NTM: variants seen among roughly 807,000 people sequenced by gnomAD.
The protein encoded by NTM is IgLON family member 2.
NTM carries 13 observed loss-of-function variants against 42.1 expected under a neutral mutation model. The observed-to-expected ratio is 0.31, with a 90% CI of 0.20 to 0.49. NTM has a LOEUF of 0.49. Among genes scored for constraint, NTM ranks in the 20% least tolerant of loss-of-function variants. The probability of loss-of-function intolerance (pLI) is 0.99; values close to 1 mark genes in which losing one functional copy is unlikely to be tolerated. For missense variants in NTM, 373 were observed against 452.8 expected (o/e 0.82, Z 1.60); for synonymous variants, 187 against 179.2 (o/e 1.04, Z -0.35).
At chr11:131,666,592 G>T (rs1369953558) in intron 1 of NTM, among the ~76,000 whole-genome samples, 1 of 152,174 alleles carries the variant, frequency 6.6e-6, no homozygotes, top group East Asian at 1.9e-4. Flanking sequence ...ATGCATTTCT[G>T]ACATCCTGAG....
intron 1 of NTM, among the ~76,000 whole-genome samples, chr11:131,725,335 C>A (rs1312004722): frequency 6.6e-6 from 1 of 152,046 alleles, no homozygotes; most frequent in East Asian, 1.9e-4. Context: ...GTGAGACAGG[C>A]AATATACAAT....
At chr11:132,250,387 G>A (rs2091799513) in intron 4 of NTM, among the ~76,000 whole-genome samples, 1 of 152,066 alleles carries the variant, frequency 6.6e-6, no homozygotes. Context: ...CTTCAGATTT[G>A]TTAGTATTCT....
In NTM at chr11:131,577,859, C is replaced by T. The variant is rs145387832; in HGVS notation, c.82+206971C>T. ...CCTCATTTCCTACTTTGACAGTATT[C>T]TCCAGGGAAATGTAGTGAATTGGTA... On this transcript the variant is annotated intron_variant, in intron 1 of 8. Coordinates refer to ENST00000683400, the MANE Select transcript of NTM (RefSeq NM_001352005.2). Among the ~76,000 whole-genome samples, 33 of 152,268 alleles carry T rather than the reference C, an allele frequency of 2.2e-4. No individual in the cohort carries two copies. The East Asian group carries it at 5.8e-3, about 27-fold the overall frequency.
At chr11:131,454,347 T>A (rs1041209783) in intron 1 of NTM, among the ~76,000 whole-genome samples, 5 of 152,234 alleles carry the variant, frequency 3.3e-5, no homozygotes, top group African/African-American at 1.2e-4. Flanking sequence ...GTGGAAGCTG[T>A]GGAACACATC....
Position 132,144,843 on chromosome 11 carries a change from G to A in NTM, c.168-1439G>A, listed in dbSNP as rs568555038. On this transcript the variant is annotated intron_variant, in intron 2 of 8. Transcript: ENST00000683400. ...AAACTTGTTGGACACCTGTGCCAAG[G>A]TGTTTCTTTTTGGGCAGTATTTCCC... is the stretch of plus-strand genomic sequence containing the variant. Among the ~76,000 whole-genome samples, 5 of 152,296 alleles carry A rather than the reference G, an allele frequency of 3.3e-5. No individual in the cohort carries two copies. The East Asian group carries it at 9.7e-4, about 29-fold the overall frequency.
chr11:131,903,591 G>T (rs1009452783), intron 1 of NTM, among the ~76,000 whole-genome samples: 3 of 152,212 alleles, frequency 2.0e-5, no homozygotes, highest in African/African-American at 7.2e-5. Context: ...AGACGAATGG[G>T]AAGAATGGAA....
At chr11:131,766,619 C>T (rs2085152741) in intron 1 of NTM, among the ~76,000 whole-genome samples, 1 of 152,170 alleles carries the variant, frequency 6.6e-6, no homozygotes, top group African/African-American at 2.4e-5. Flanking sequence ...CAATTATCAA[C>T]CGCAGAACTC....
At chr11:132,198,939 G>A (rs1419105795) in intron 3 of NTM, among the ~76,000 whole-genome samples, 3 of 152,200 alleles carry the variant, frequency 2.0e-5, no homozygotes, top group East Asian at 3.8e-4. Context: ...GACAAGGTGT[G>A]TTTAGCTAGG....
chr11:132,120,994 T>C (rs2136924663), intron 2 of NTM, among the ~76,000 whole-genome samples: 1 of 152,284 alleles, frequency 6.6e-6, no homozygotes, highest in African/African-American at 2.4e-5. Flanking sequence ...GAATTAATCA[T>C]TGTAATGCCT....
chr11:131,894,609 C>T (rs1010063508), intron 1 of NTM, among the ~76,000 whole-genome samples: 1 of 152,134 alleles, frequency 6.6e-6, no homozygotes, highest in African/African-American at 2.4e-5. Context: ...TTGCACCCTT[C>T]GCTTCCAAAC....
At chr11:131,695,765 C>T (rs1335845744) in intron 1 of NTM, among the ~76,000 whole-genome samples, 1 of 152,146 alleles carries the variant, frequency 6.6e-6, no homozygotes, top group Non-Finnish European at 1.5e-5. Context: ...GGACGTTTCC[C>T]ACGTAATCCT....
At position 132,031,557 on chromosome 11, in the gene NTM, T is replaced by C. The variant is rs189837612; in HGVS notation, c.168-114725T>C. On this transcript the variant is annotated intron_variant, in intron 2 of 8. Transcript: ENST00000683400. ...GAGATAAAGAGATGGGTCAAGGAGG[T>C]CTTCAAGGTTTTTGGGTGGAATGAT... Among the ~76,000 whole-genome samples the C allele has an allele frequency of 3.3e-5, 5 of 152,138 alleles. No individual in the cohort carries two copies. In the East Asian group the frequency reaches 9.7e-4, roughly 30 times the overall value.
intron 2 of NTM, among the ~76,000 whole-genome samples, chr11:132,025,084 A>T (rs1454148702): frequency 1.3e-5 from 2 of 152,182 alleles, no homozygotes; most frequent in Non-Finnish European, 2.9e-5. Context: ...CCTTGGAGTC[A>T]TGGGATTCAG....
At chr11:132,314,874 AGAGACAGG>A (rs1257514680) in intron 7 of NTM, 171 bp downstream of exon 7, 38 of 1,368,244 alleles carry the variant, frequency 2.8e-5, no homozygotes, top group Non-Finnish European at 3.5e-5. Flanking sequence ...AGAGGGACAG[AGAGACAGG>A]GAGGAGGCAG....
chr11:131,762,248 A>C, intron 1 of NTM, among the ~76,000 whole-genome samples: 1 of 152,222 alleles, frequency 6.6e-6, no homozygotes. Context: ...CAATAGAAAA[A>C]TAGTACAAAG....
intron 1 of NTM, among the ~76,000 whole-genome samples, chr11:131,719,795 T>G (rs528580579): frequency 1.3e-5 from 2 of 152,302 alleles, no homozygotes; most frequent in African/African-American, 2.4e-5. Flanking sequence ...GCTGGGAAAT[T>G]CACTCTCCAG....
At chr11:131,423,826 A>G (rs1382380893) in intron 1 of NTM, among the ~76,000 whole-genome samples, 4 of 152,160 alleles carry the variant, frequency 2.6e-5, no homozygotes, top group Admixed American at 6.5e-5. Flanking sequence ...AGCACCTTCC[A>G]TCTCTTATCT....
At chr11:131,495,480 C>T (rs1399534518) in intron 1 of NTM, among the ~76,000 whole-genome samples, 1 of 152,244 alleles carries the variant, frequency 6.6e-6, no homozygotes, top group East Asian at 1.9e-4. Context: ...GCTTTTGCCT[C>T]TCTGCCCCAC....
rs376736450 is a variant in NTM, at chr11:131,751,051, C to T, written c.83-160513C>T. 2.3e-4 allele frequency among the ~76,000 whole-genome samples: 35 copies of T among 152,310 alleles called. No homozygotes were observed. The East Asian group carries it at 5.8e-3, about 25-fold the overall frequency. On this transcript the variant is annotated intron_variant, in intron 1 of 8. Transcript: ENST00000683400. ...CTCACCCCACGGCCACTTTCTCCCA[C>T]CCTCCTAATCACTCTTCAGGCCATT...
Sources: allele counts gnomAD v4.1 joint callset (sites outside exome capture counted in the v4.1 genomes callset), GRCh38; gene constraint gnomAD v4.1.1; transcripts MANE v1.5; gene names NCBI Gene and HGNC (gene_info 2026-07-23, HGNC 2026-07-21).